EXOC6B: variants seen among roughly 807,000 people sequenced by gnomAD.
EXOC6B encodes the protein SEC15 homolog B.
Under a neutral mutation model 113.5 loss-of-function variants are expected in EXOC6B, and 54 were observed. The observed-to-expected ratio is 0.48, with a 90% CI of 0.38 to 0.60. The LOEUF is 0.60. EXOC6B is among the 20% of genes least tolerant of loss of function. The pLI is 0.00. For synonymous variants in EXOC6B, 357 were observed against 339.0 expected, an observed-to-expected ratio of 1.05 and a Z score of -0.58; for missense variants, 797 against 977.5, an observed-to-expected ratio of 0.82 and a Z score of 2.46.
chr2:72,379,708 C>T (rs755246350), intron 19 of EXOC6B, 21 bp downstream of exon 19: 3 of 1,591,682 alleles, frequency 1.9e-6, no homozygotes, highest in Non-Finnish European at 1.7e-6. Flanking sequence ...TAAACAAGCA[C>T]AGGGATGGTC....
At chr2:72,496,948 CATTATT>C (rs57708306) in intron 13 of EXOC6B, among the ~76,000 whole-genome samples, 12,915 of 137,718 alleles carry the variant, frequency 0.094, 662 homozygotes, top group Non-Finnish European at 0.12. Flanking sequence ...TATAAATGTA[CATTATT>C]ATTATTATTA....
intron 18 of EXOC6B, among the ~76,000 whole-genome samples, chr2:72,390,715 T>C (rs969743024): frequency 8.5e-5 from 13 of 152,198 alleles, no homozygotes; most frequent in African/African-American, 2.9e-4. Flanking sequence ...AGCCTCTCAT[T>C]GCTGTCTCTG....
At position 72,408,561 on chromosome 2, in the gene EXOC6B, G is replaced by A. The variant is rs112384223; in HGVS notation, c.1981-28691C>T. On this transcript the variant is annotated intron_variant, in intron 18 of 21. Coordinates refer to ENST00000272427, the MANE Select transcript of EXOC6B (RefSeq NM_015189.3). ...GAATAGAGCCCTCAGAAATAATGCC[G>A]CATATATACAACTATCTGATGTTTG... Among the ~76,000 whole-genome samples, 46 of 152,088 alleles carry A rather than the reference G, an allele frequency of 3.0e-4. 1 individual carries two copies. The highest frequency in any genetic ancestry group is 7.5e-4 in the African/African-American group (31 of 41,482).
intron 17 of EXOC6B, among the ~76,000 whole-genome samples, chr2:72,468,121 T>C (rs1004783526): frequency 1.3e-5 from 2 of 152,180 alleles, no homozygotes; most frequent in African/African-American, 4.8e-5. Context: ...TTTTCTTTGC[T>C]GTGCAAAAGC....
intron 1 of EXOC6B, among the ~76,000 whole-genome samples, chr2:72,755,244 T>A (rs1274472731): frequency 6.6e-6 from 1 of 152,186 alleles, no homozygotes; most frequent in African/African-American, 2.4e-5. Context: ...GGCCTAGAAA[T>A]GAATGGGCAC....
rs979751478 is a variant in EXOC6B at position 72,401,358 on chromosome 2, A to G, written c.1981-21488T>C. 4.7e-5 allele frequency among the ~76,000 whole-genome samples: 7 copies of G among 148,932 alleles called. No individual in the cohort carries two copies. The South Asian group carries it at 8.6e-4, about 18-fold the overall frequency. On this transcript the variant is annotated intron_variant, in intron 18 of 21. Coordinates refer to ENST00000272427, the MANE Select transcript of EXOC6B (RefSeq NM_015189.3). ...GCACTTGTAATCCCAGCTACTTGGGAGGCTGAGGCAGGAGAATCACTTGAA... is the reference window on the plus strand; with the variant it reads ...GCACTTGTAATCCCAGCTACTTGGGGGGCTGAGGCAGGAGAATCACTTGAA...
chr2:72,311,298 G>T (rs1415241115), intron 20 of EXOC6B, among the ~76,000 whole-genome samples: 1 of 152,198 alleles, frequency 6.6e-6, no homozygotes, highest in Admixed American at 6.5e-5. Flanking sequence ...CCTTGCTCAT[G>T]TGGATTGTTG....
intron 1 of EXOC6B, among the ~76,000 whole-genome samples, chr2:72,811,468 T>C (rs1417865382): frequency 1.3e-5 from 2 of 152,262 alleles, no homozygotes; most frequent in Non-Finnish European, 2.9e-5. Flanking sequence ...AAGGCTTCAT[T>C]GAAGAATTCT....
intron 6 of EXOC6B, among the ~76,000 whole-genome samples, chr2:72,601,877 A>G (rs1670455893): frequency 6.6e-6 from 1 of 152,238 alleles, no homozygotes; most frequent in African/African-American, 2.4e-5. Context: ...AGAGAGGAAC[A>G]CTAAAAATGC....
intron 6 of EXOC6B, among the ~76,000 whole-genome samples, chr2:72,671,512 T>C (rs1675792039): frequency 1.3e-5 from 2 of 151,896 alleles, no homozygotes; most frequent in South Asian, 4.2e-4. Context: ...GTTGCCAACA[T>C]GGTGAAACCC....
chr2:72,683,746 C>T (rs1458330960), intron 6 of EXOC6B, among the ~76,000 whole-genome samples: 1 of 152,100 alleles, frequency 6.6e-6, no homozygotes, highest in Non-Finnish European at 1.5e-5. Flanking sequence ...CCTTTCTAAG[C>T]CAATTACTAT....
intron 20 of EXOC6B, among the ~76,000 whole-genome samples, chr2:72,230,140 G>A (rs1462586230): frequency 6.6e-6 from 1 of 152,134 alleles, no homozygotes; most frequent in East Asian, 1.9e-4. Context: ...TATGGTCAGT[G>A]CCATATTGAG....
chr2:72,531,089 T>C (rs942602877), intron 8 of EXOC6B, among the ~76,000 whole-genome samples: 2 of 152,056 alleles, frequency 1.3e-5, no homozygotes, highest in Non-Finnish European at 2.9e-5. Flanking sequence ...AGGGCTTACA[T>C]CTGTCAGGTT....
chr2:72,351,349 G>C (rs545232609), intron 19 of EXOC6B, among the ~76,000 whole-genome samples: 1 of 152,248 alleles, frequency 6.6e-6, no homozygotes, highest in African/African-American at 2.4e-5. Context: ...CAATAGCGAC[G>C]TAAGAAAAAT....
chr2:72,720,626 A>AC (rs1441129849), intron 5 of EXOC6B, among the ~76,000 whole-genome samples: 1 of 151,794 alleles, frequency 6.6e-6, no homozygotes. Flanking sequence ...GGTGGCGTGC[A>AC]CCCGTAGTCC....
intron 1 of EXOC6B, among the ~76,000 whole-genome samples, chr2:72,771,588 C>A: frequency 6.6e-6 from 1 of 152,188 alleles, no homozygotes; most frequent in East Asian, 1.9e-4. Flanking sequence ...AGTCTAAGAT[C>A]ATGAATTACA....
rs13421538 is a variant in EXOC6B, at chr2:72,596,728, A to G, written c.670-21060T>C. 1.2e-3 allele frequency among the ~76,000 whole-genome samples: 183 copies of G among 152,068 alleles called. 1 individual carries two copies. Among genetic ancestry groups the G allele is most frequent in the African/African-American group, 4.4e-3 (182 of 41,516 alleles). ...TACCTCCAACCCCAAAAACCTTACC[A>G]CCACATTAATAACAGTGAATTACAA... On this transcript the variant is annotated intron_variant, in intron 6 of 21. Coordinates refer to ENST00000272427, the MANE Select transcript of EXOC6B (RefSeq NM_015189.3).
chr2:72,539,764 G>A (rs538695473), intron 8 of EXOC6B, among the ~76,000 whole-genome samples: 1 of 151,634 alleles, frequency 6.6e-6, no homozygotes, highest in Non-Finnish European at 1.5e-5. Context: ...GCGCGCGCGC[G>A]TGTGTGTAGT....
intron 6 of EXOC6B, among the ~76,000 whole-genome samples, chr2:72,717,021 C>T (rs1679664287): frequency 6.6e-6 from 1 of 152,146 alleles, no homozygotes; most frequent in Admixed American, 6.5e-5. Context: ...TATATTGTCA[C>T]TGATTAATTT....
Sources: allele counts gnomAD v4.1 joint callset (sites outside exome capture counted in the v4.1 genomes callset), GRCh38; gene constraint gnomAD v4.1.1; transcripts MANE v1.5; gene names NCBI Gene and HGNC (gene_info 2026-07-23, HGNC 2026-07-21).